ZNF292: variants seen among roughly 807,000 people sequenced by gnomAD.
ZNF292 encodes the protein 16 zinc-finger domain protein.
A neutral mutation model predicts 217.9 loss-of-function variants in ZNF292; 26 were observed. The observed-to-expected ratio is 0.12, with a 90% confidence interval of 0.09 to 0.17. The LOEUF is 0.17. ZNF292 is among the 10% of genes least tolerant of loss of function. The pLI, the probability that ZNF292 is intolerant of heterozygous loss-of-function variation, is 1.00. For missense variants in ZNF292, 2,904 were observed against 3,175.2 expected, an observed-to-expected ratio of 0.91 and a Z score of 2.05; for synonymous variants, 1,257 against 1,124.1, an observed-to-expected ratio of 1.12 and a Z score of -2.37.
chr6:87,186,314 A>G (rs779669255), intron 1 of ZNF292, among the ~76,000 whole-genome samples: 7 of 152,248 alleles, frequency 4.6e-5, no homozygotes, highest in Non-Finnish European at 8.8e-5. Context: ...TATTCTAGGA[A>G]CAGGATACTG....
chr6:87,216,152 CACACA>C, intron 2 of ZNF292, 95 bp downstream of exon 2: 1 of 1,081,718 alleles, frequency 9.2e-7, no homozygotes, highest in Non-Finnish European at 1.3e-6. Context: ...CACACACACA[CACACA>C]ACATTAAATC....
Position 87,222,592 on chromosome 6 carries a change from A to G in ZNF292, c.538+3861A>G, listed in dbSNP as rs150923725. On this transcript the variant is annotated intron_variant, in intron 4 of 7. Transcript: ENST00000369577. The stretch of plus-strand genomic sequence containing the variant: ...TATTTTAGAATAGTTTTAAATTTAT[A>G]GAAAAATTGTGAAGAGTTTCCATAT... Among the ~76,000 whole-genome samples, 134 of 152,356 alleles carry G rather than the reference A, an allele frequency of 8.8e-4. No homozygotes were observed. In the East Asian group the frequency reaches 0.022, roughly 25 times the overall value.
At chr6:87,215,792 T>C (rs1772722687) in intron 1 of ZNF292, 111 bp from the exon 2 acceptor site, 2 of 780,858 alleles carry the variant, frequency 2.6e-6, no homozygotes, top group Non-Finnish European at 3.8e-6. Context: ...CTTTTTGTTT[T>C]TATAAATAAA....
At position 87,243,399 on chromosome 6, in the gene ZNF292, G is replaced by A. The variant is rs141686082; in HGVS notation, c.742-76G>A. Reference sequence around the variant, plus strand: ...CATAAAAACTATCTAAATATTTAATGAAAACTAAAGGTATATTGCTCTATA... The same window carrying A: ...CATAAAAACTATCTAAATATTTAATAAAAACTAAAGGTATATTGCTCTATA... On this transcript the variant is annotated intron_variant, in intron 5 of 7. Coordinates refer to ENST00000369577, the MANE Select transcript of ZNF292 (RefSeq NM_015021.3). The A allele has an allele frequency of 5.4e-4, 627 of 1,164,562 alleles. 7 individuals are homozygous for A. In the East Asian group the frequency reaches 0.02, roughly 37 times the overall value. The allele number at this position is 1,164,562 out of a possible 1,614,324, so 72.1% of individuals were successfully genotyped here.
intron 1 of ZNF292, among the ~76,000 whole-genome samples, chr6:87,164,327 A>G (rs1294702239): frequency 6.6e-6 from 1 of 152,180 alleles, no homozygotes; most frequent in African/African-American, 2.4e-5. Context: ...CATAGCATCA[A>G]GAGAGTAAGT....
intron 1 of ZNF292, 83 bp from the exon 2 acceptor site, chr6:87,215,820 A>G: frequency 8.6e-7 from 1 of 1,158,744 alleles, no homozygotes; most frequent in Non-Finnish European, 1.2e-6. Context: ...ATTTTTCAAA[A>G]TTTTTCAGGA....
rs1775714595 is a variant in ZNF292 at position 87,263,598 on chromosome 6, A to G, written c.*1797A>G. On this transcript the variant is annotated 3_prime_UTR_variant, in exon 8 of 8. Transcript: ENST00000369577. ...TTTCACCTGTTTAAGACTTACTACC[A>G]ATAAGCATAAAACCTGACACGTTAA... is the stretch of plus-strand genomic sequence containing the variant. The G allele has an allele frequency of 6.6e-6, 1 of 152,026 alleles. No individual in the cohort carries two copies. The highest frequency in any genetic ancestry group is 1.5e-5 in the Non-Finnish European group (1 of 67,940). 9.4% of individuals were successfully genotyped at this position (152,026 alleles called of 1,614,324 possible). A position where few individuals can be genotyped will look rare whatever the true frequency, so the allele number is the denominator to read the frequency against.
chr6:87,170,756 T>TA (rs1771072437), intron 1 of ZNF292, among the ~76,000 whole-genome samples: 1 of 152,234 alleles, frequency 6.6e-6, no homozygotes, highest in African/African-American at 2.4e-5. Flanking sequence ...GCCCATTAGA[T>TA]ACTGTGAATT....
chr6:87,208,573 A>G (rs1161835875), intron 1 of ZNF292, among the ~76,000 whole-genome samples: 3 of 147,220 alleles, frequency 2.0e-5, no homozygotes, highest in Admixed American at 1.4e-4. Flanking sequence ...TTCTTCCTGC[A>G]TGATTTCTCT....
rs1425695097 is a variant in ZNF292, at chr6:87,194,732, T to C, written c.169-21171T>C. On this transcript the variant is annotated intron_variant, in intron 1 of 7. Coordinates refer to ENST00000369577, the MANE Select transcript of ZNF292 (RefSeq NM_015021.3). ...CAAAGTAATATCAAAACCTAACAAA[T>C]AGTGTTTAAAAAGAAAACTGTAGGC... 2.0e-5 allele frequency among the ~76,000 whole-genome samples: 3 copies of C among 152,154 alleles called. 1 individual carries two copies. The highest frequency in any genetic ancestry group is 4.8e-5 in the African/African-American group (2 of 41,456).
At chr6:87,191,395 A>G (rs916650735) in intron 1 of ZNF292, among the ~76,000 whole-genome samples, 1 of 152,184 alleles carries the variant, frequency 6.6e-6, no homozygotes, top group African/African-American at 2.4e-5. Context: ...TTTATTAAAC[A>G]GTCTTCTATT....
At position 87,256,690 on chromosome 6, in the gene ZNF292, T is replaced by A; in HGVS notation, c.3061T>A (p.Leu1021Ile). 1 of 1,613,204 alleles carries A rather than the reference T, an allele frequency of 6.2e-7. No individual in the cohort carries two copies. Among genetic ancestry groups the A allele is most frequent in the Non-Finnish European group, 8.5e-7 (1 of 1,179,790 alleles). The change falls in exon 8 of 8, where the codon TTA (leucine) becomes ATA (isoleucine). Residue 1021 changes from leucine (L) to isoleucine (I), a missense_variant. Physicochemically the swap from Leu to Ile is conservative, Grantham distance 5. Coordinates refer to ENST00000369577, the MANE Select transcript of ZNF292 (RefSeq NM_015021.3). ...AATAGGTGACCTTACCCCACAAAAC[T>A]TAGAAAGACAAGTGAACAACTTGAT... is the stretch of plus-strand genomic sequence containing the variant. Reference protein sequence around the residue: ...LKIGDLTPQNLERQVNNLMTF... With the variant: ...LKIGDLTPQNIERQVNNLMTF...
rs768202664 is a variant in ZNF292, at chr6:87,257,450, T to A, written c.3821T>A (p.Leu1274His). The change falls in exon 8 of 8, where the codon CTC (leucine) becomes CAC (histidine). Residue 1274 changes from leucine to histidine, a missense_variant. By Grantham distance (99) the Leu-to-His change is moderately conservative. This residue lies in a region of ZNF292 where 687 missense variants were observed against 623.0 expected (regional missense o/e 1.10). Coordinates refer to ENST00000369577, the MANE Select transcript of ZNF292 (RefSeq NM_015021.3). ...PLPAESSSMS[L>H]FPSPADSGTN... ...CCTGCAGAAAGTAGTTCAATGTCTC[T>A]CTTCCCTTCACCAGCAGATAGTGGG... 6.2e-7 allele frequency: 1 copy of A among 1,613,562 alleles called. No homozygotes were observed. The highest frequency in any genetic ancestry group is 8.5e-7 in the Non-Finnish European group (1 of 1,179,744).
At chr6:87,177,728 A>T (rs1413571281) in intron 1 of ZNF292, among the ~76,000 whole-genome samples, 30 of 152,136 alleles carry the variant, frequency 2.0e-4, no homozygotes, top group Admixed American at 2.0e-3. Context: ...TTATGGGCTC[A>T]TTTTCTTAAT....
intron 7 of ZNF292, among the ~76,000 whole-genome samples, chr6:87,253,422 G>T (rs547029384): frequency 6.6e-6 from 1 of 151,712 alleles, no homozygotes; most frequent in South Asian, 2.1e-4. Context: ...AGAGATGGGG[G>T]TTTCCCTATG....
chr6:87,218,518 A>T, intron 3 of ZNF292, 78 bp from the exon 4 acceptor site: 1 of 1,186,392 alleles, frequency 8.4e-7, no homozygotes, highest in Non-Finnish European at 1.1e-6. Flanking sequence ...TCAGAAGTTT[A>T]GTGTTATATT....
chr6:87,168,064 C>A (rs573883847), intron 1 of ZNF292, among the ~76,000 whole-genome samples: 1 of 152,078 alleles, frequency 6.6e-6, no homozygotes, highest in Non-Finnish European at 1.5e-5. Context: ...TGCAAATGGG[C>A]GGAACCTTGG....
At chr6:87,248,657 T>C (rs978275778) in intron 7 of ZNF292, among the ~76,000 whole-genome samples, 2 of 152,232 alleles carry the variant, frequency 1.3e-5, no homozygotes, top group African/African-American at 4.8e-5. Flanking sequence ...AATCATAGGT[T>C]GTGCCACTAA....
At chr6:87,221,498 T>G (rs775882750) in intron 4 of ZNF292, among the ~76,000 whole-genome samples, 13 of 152,190 alleles carry the variant, frequency 8.5e-5, no homozygotes, top group African/African-American at 3.1e-4. Flanking sequence ...TTGTGAAAAT[T>G]GTGAAAACTA....
Sources: allele counts gnomAD v4.1 joint callset (sites outside exome capture counted in the v4.1 genomes callset), GRCh38; gene constraint gnomAD v4.1.1; regional missense constraint gnomAD v4.1.1; transcripts MANE v1.5; gene names NCBI Gene and HGNC (gene_info 2026-07-23, HGNC 2026-07-21).